CHRNA7: variants seen among roughly 807,000 people sequenced by gnomAD.
CHRNA7 encodes the protein cholinergic receptor nicotinic alpha 7 subunit, also known as neuronal acetylcholine receptor subunit alpha-7.
Under a neutral mutation model 48.0 loss-of-function variants are expected in CHRNA7, and 17 were observed. That is an observed-to-expected ratio of 0.35 (90% confidence interval 0.24 to 0.53). The LOEUF is 0.53. Among genes scored for constraint, CHRNA7 ranks in the 20% least tolerant of loss-of-function variants. The pLI is 0.92. For missense variants in CHRNA7, 155 were observed against 577.7 expected (o/e 0.27, Z 7.50); for synonymous variants, 75 against 242.3 (o/e 0.31, Z 6.41).
intron 2 of CHRNA7, among the ~76,000 whole-genome samples, chr15:32,098,460 G>GA (rs66850163): frequency 0.16 from 24,331 of 152,158 alleles, 2,406 homozygotes; most frequent in Middle Eastern, 0.24. Context: ...TGAGAAGGGG[G>GA]AAAGGGGTCA....
At chr15:32,047,686 C>CTT (rs2049578688) in intron 2 of CHRNA7, among the ~76,000 whole-genome samples, 3 of 151,842 alleles carry the variant, frequency 2.0e-5, no homozygotes, top group Non-Finnish European at 4.4e-5. Flanking sequence ...CTGATTGCTC[C>CTT]GGCCAGAACT....
chr15:32,076,248 G>A (rs1254249335), intron 2 of CHRNA7, among the ~76,000 whole-genome samples: 1 of 152,052 alleles, frequency 6.6e-6, no homozygotes, highest in Non-Finnish European at 1.5e-5. Flanking sequence ...TTTAAATTGT[G>A]GAGAGACAAA....
intron 2 of CHRNA7, among the ~76,000 whole-genome samples, chr15:32,033,620 A>G (rs1482662645): frequency 1.3e-5 from 2 of 152,198 alleles, no homozygotes; most frequent in Non-Finnish European, 2.9e-5. Context: ...AAATATGCAA[A>G]CATTTGTATT....
chr15:32,039,500 G>T (rs1043728950), intron 2 of CHRNA7, among the ~76,000 whole-genome samples: 1 of 152,010 alleles, frequency 6.6e-6, no homozygotes, highest in Non-Finnish European at 1.5e-5. Flanking sequence ...TGTCTCTTGA[G>T]AATTCTTCTT....
intron 2 of CHRNA7, among the ~76,000 whole-genome samples, chr15:32,089,965 G>A (rs1364627053): frequency 6.6e-6 from 1 of 152,148 alleles, no homozygotes; most frequent in East Asian, 1.9e-4. Flanking sequence ...CTCTTTCTCA[G>A]AGAATCTACA....
At chr15:32,083,049 C>A (rs930581379) in intron 2 of CHRNA7, among the ~76,000 whole-genome samples, 1 of 152,106 alleles carries the variant, frequency 6.6e-6, no homozygotes, top group Non-Finnish European at 1.5e-5. Context: ...TTCATGATAA[C>A]CTGACTTTCT....
chr15:32,042,685 C>T (rs929846486), intron 2 of CHRNA7, among the ~76,000 whole-genome samples: 1 of 152,178 alleles, frequency 6.6e-6, no homozygotes, highest in Non-Finnish European at 1.5e-5. Flanking sequence ...AGTCCTGGCT[C>T]TCTGTATGTC....
At position 32,137,344 on chromosome 15, in the gene CHRNA7, C is replaced by CCA. The variant is rs1555386696; in HGVS notation, c.351-16558_351-16557dup. Among the ~76,000 whole-genome samples the CCA allele has an allele frequency of 4.0e-3, 600 of 151,376 alleles. 5 individuals are homozygous for CCA. The highest frequency in any genetic ancestry group is 0.014 in the African/African-American group (562 of 41,262). On this transcript the variant is annotated intron_variant, in intron 4 of 9. Coordinates refer to ENST00000306901, the MANE Select transcript of CHRNA7 (RefSeq NM_000746.6). ...TGGCTATGTTTACAACACCCCCCCCCCACACAAACACAGTAAGAAAAACAA... is the reference window on the plus strand; with the variant it reads ...TGGCTATGTTTACAACACCCCCCCCCCACACACAAACACAGTAAGAAAAACAA...
chr15:32,113,006 G>T (rs776775385), intron 4 of CHRNA7, among the ~76,000 whole-genome samples: 4 of 152,136 alleles, frequency 2.6e-5, no homozygotes, highest in Admixed American at 6.5e-5. Context: ...GTCCCCTGTT[G>T]AATGGATCAA....
At chr15:32,067,221 G>C (rs950215810) in intron 2 of CHRNA7, among the ~76,000 whole-genome samples, 2 of 152,304 alleles carry the variant, frequency 1.3e-5, no homozygotes, top group Admixed American at 6.5e-5. Context: ...TCCACACCTA[G>C]ATACATCATA....
intron 2 of CHRNA7, among the ~76,000 whole-genome samples, chr15:32,092,273 T>C (rs971032204): frequency 6.6e-6 from 1 of 152,264 alleles, no homozygotes; most frequent in African/African-American, 2.4e-5. Context: ...TGTTTAGCTC[T>C]GCAATGTTCC....
At chr15:32,086,491 G>C (rs1256158069) in intron 2 of CHRNA7, among the ~76,000 whole-genome samples, 1 of 152,066 alleles carries the variant, frequency 6.6e-6, no homozygotes, top group Non-Finnish European at 1.5e-5. Flanking sequence ...AGTTTCCCCT[G>C]TGAGTATCCT....
chr15:32,111,988 G>A (rs1160774563), intron 4 of CHRNA7, 89 bp downstream of exon 4: 1 of 879,250 alleles, frequency 1.1e-6, no homozygotes. Context: ...AGAGATGCTG[G>A]ATATGTTATC....
chr15:32,076,966 G>C (rs1405627791), intron 2 of CHRNA7, among the ~76,000 whole-genome samples: 1 of 151,972 alleles, frequency 6.6e-6, no homozygotes, highest in East Asian at 1.9e-4. Flanking sequence ...GAAAACCCTT[G>C]GTCTTTTTAT....
At chr15:32,103,881 A>G (rs370749303) in intron 3 of CHRNA7, among the ~76,000 whole-genome samples, 85 of 152,270 alleles carry the variant, frequency 5.6e-4, no homozygotes, top group African/African-American at 1.8e-3. Context: ...CTCACCTCTG[A>G]TACATCAACA....
intron 2 of CHRNA7, among the ~76,000 whole-genome samples, chr15:32,093,365 A>C (rs1450777667): frequency 6.6e-6 from 1 of 152,192 alleles, no homozygotes; most frequent in African/African-American, 2.4e-5. Flanking sequence ...GAAACCTTTC[A>C]GTTGCAGTGA....
intron 4 of CHRNA7, among the ~76,000 whole-genome samples, chr15:32,142,402 C>G (rs1308561760): frequency 2.0e-5 from 3 of 152,084 alleles, no homozygotes; most frequent in Non-Finnish European, 4.4e-5. Flanking sequence ...GTGTCTCTGC[C>G]CAGCTTTGGT....
At chr15:32,071,199 A>G (rs572152353) in intron 2 of CHRNA7, among the ~76,000 whole-genome samples, 1 of 152,216 alleles carries the variant, frequency 6.6e-6, no homozygotes, top group East Asian at 1.9e-4. Context: ...TAAATCTTCA[A>G]ATCTGGTGGG....
chr15:32,128,531 T>C (rs1359513573), intron 4 of CHRNA7, among the ~76,000 whole-genome samples: 1 of 151,988 alleles, frequency 6.6e-6, no homozygotes, highest in Non-Finnish European at 1.5e-5. Flanking sequence ...TTTTGACCAG[T>C]TGTAAATGAT....
Sources: allele counts gnomAD v4.1 joint callset (sites outside exome capture counted in the v4.1 genomes callset), GRCh38; gene constraint gnomAD v4.1.1; transcripts MANE v1.5; gene names NCBI Gene and HGNC (gene_info 2026-07-23, HGNC 2026-07-21).